Variants in DLGAP2 observed in about 807,000 individuals in gnomAD.
The protein encoded by DLGAP2 is DLG associated protein 2, also known as disks large-associated protein 2.
A neutral mutation model predicts 100.3 loss-of-function variants in DLGAP2; 26 were observed. That is an observed-to-expected ratio of 0.26 (90% confidence interval 0.19 to 0.36). The LOEUF is 0.36. Ranked by LOEUF, DLGAP2 falls within the 10% of genes least tolerant of loss-of-function variation. DLGAP2 has a pLI of 1.00. For missense variants in DLGAP2, 1,858 were observed against 1,453.2 expected, an observed-to-expected ratio of 1.28 and a Z score of -4.53; for synonymous variants, 886 against 630.1, an observed-to-expected ratio of 1.41 and a Z score of -6.08.
At chr8:1,540,309 G>A (rs771170193) in intron 4 of DLGAP2, among the ~76,000 whole-genome samples, 7 of 152,134 alleles carry the variant, frequency 4.6e-5, no homozygotes, top group Admixed American at 2.6e-4. Context: ...GTTTATTGCC[G>A]GTACCACCAC....
chr8:979,055 G>C (rs561458298), intron 2 of DLGAP2, among the ~76,000 whole-genome samples: 1 of 152,236 alleles, frequency 6.6e-6, no homozygotes, highest in South Asian at 2.1e-4. Flanking sequence ...GTGTTCAGGA[G>C]CATGCAGTCC....
At chr8:1,673,639 T>G (rs1798742684) in intron 10 of DLGAP2, among the ~76,000 whole-genome samples, 2 of 152,228 alleles carry the variant, frequency 1.3e-5, no homozygotes, top group Admixed American at 6.5e-5. Flanking sequence ...GCATTTGCTG[T>G]GGACGAACCT....
chr8:921,070 T>C (rs915714567), intron 2 of DLGAP2, among the ~76,000 whole-genome samples: 11 of 152,230 alleles, frequency 7.2e-5, no homozygotes, highest in Admixed American at 6.5e-5. Context: ...ACTTCGCAAC[T>C]TGATGCAGAT....
intron 3 of DLGAP2, among the ~76,000 whole-genome samples, chr8:1,315,939 T>C (rs1160677068): frequency 2.2e-5 from 3 of 134,838 alleles, no homozygotes; most frequent in Non-Finnish European, 4.8e-5. Flanking sequence ...GCAGCCTCTC[T>C]CCAACAGTGG....
intron 4 of DLGAP2, among the ~76,000 whole-genome samples, chr8:1,532,442 C>G (rs1801016025): frequency 6.6e-6 from 1 of 152,096 alleles, no homozygotes; most frequent in Non-Finnish European, 1.5e-5. Flanking sequence ...TTTTCTGATA[C>G]AGAAACATCC....
At chr8:1,233,955 G>T (rs999886016) in intron 2 of DLGAP2, among the ~76,000 whole-genome samples, 4 of 152,120 alleles carry the variant, frequency 2.6e-5, no homozygotes, top group Admixed American at 2.0e-4. Flanking sequence ...CCTAGGACGG[G>T]GTTTGACCAG....
chr8:1,328,482 G>T lies in DLGAP2; in HGVS notation c.106+69599G>T, dbSNP rs1035281568. Reference sequence around the variant, plus strand: ...ATAGGCTCATGCCTGACTAATTTGTGTGTGTTTTTTTGTTTTTTTGTTTGT... The same window carrying T: ...ATAGGCTCATGCCTGACTAATTTGTTTGTGTTTTTTTGTTTTTTTGTTTGT... On this transcript the variant is annotated intron_variant, in intron 3 of 14. Transcript: ENST00000637795. 5.3e-5 allele frequency among the ~76,000 whole-genome samples: 8 copies of T among 151,990 alleles called. No individual in the cohort carries two copies. In the East Asian group the frequency reaches 1.4e-3, roughly 26 times the overall value.
intron 2 of DLGAP2, among the ~76,000 whole-genome samples, chr8:935,761 A>C (rs1470543210): frequency 6.6e-6 from 1 of 152,120 alleles, no homozygotes; most frequent in East Asian, 1.9e-4. Context: ...GCTTCCCTCA[A>C]AGCATAGTGG....
chr8:1,392,288 C>T (rs1796380442), intron 3 of DLGAP2, among the ~76,000 whole-genome samples: 1 of 152,118 alleles, frequency 6.6e-6, no homozygotes, highest in Admixed American at 6.5e-5. Flanking sequence ...AGGCGCAGTC[C>T]AGATCCTGGG....
At chr8:1,355,922 A>C (rs541846756) in intron 3 of DLGAP2, among the ~76,000 whole-genome samples, 1 of 152,136 alleles carries the variant, frequency 6.6e-6, no homozygotes, top group Non-Finnish European at 1.5e-5. Flanking sequence ...AGCACATTCC[A>C]TGCACAGGCA....
chr8:1,317,211 A>C (rs1420994734), intron 3 of DLGAP2, among the ~76,000 whole-genome samples: 2 of 133,236 alleles, frequency 1.5e-5, no homozygotes, highest in Non-Finnish European at 3.1e-5. Flanking sequence ...ACAGTGGTCT[A>C]CACTCGAGAC....
At chr8:1,409,033 G>A (rs1050182793) in intron 3 of DLGAP2, among the ~76,000 whole-genome samples, 3 of 152,228 alleles carry the variant, frequency 2.0e-5, no homozygotes, top group African/African-American at 2.4e-5. Flanking sequence ...CATTGCCTCA[G>A]TTCCAGAATG....
At chr8:1,091,736 C>T (rs923133643) in intron 2 of DLGAP2, among the ~76,000 whole-genome samples, 3 of 152,034 alleles carry the variant, frequency 2.0e-5, no homozygotes, top group African/African-American at 4.8e-5. Flanking sequence ...GCGTGTCTCC[C>T]GTGGAAGCTG....
chr8:1,496,393 G>A (rs996720139), intron 3 of DLGAP2, among the ~76,000 whole-genome samples: 5 of 152,118 alleles, frequency 3.3e-5, no homozygotes, highest in African/African-American at 1.2e-4. Context: ...CCTCTCTGGT[G>A]CTGATTTCCT....
chr8:999,361 C>T, intron 2 of DLGAP2, among the ~76,000 whole-genome samples: 1 of 151,862 alleles, frequency 6.6e-6, no homozygotes, highest in Non-Finnish European at 1.5e-5. Flanking sequence ...TCTTCTTTCC[C>T]TTGTTGAATT....
At chr8:898,451 A>G (rs1798188949) in intron 1 of DLGAP2, among the ~76,000 whole-genome samples, 1 of 152,134 alleles carries the variant, frequency 6.6e-6, no homozygotes, top group African/African-American at 2.4e-5. Context: ...ACTTACTGAG[A>G]CGCTTCATCC....
At chr8:772,221 T>C (rs1288026598) in intron 1 of DLGAP2, among the ~76,000 whole-genome samples, 1 of 152,026 alleles carries the variant, frequency 6.6e-6, no homozygotes, top group Non-Finnish European at 1.5e-5. Flanking sequence ...TTTTAAATTT[T>C]CTAGTAGCCA....
chr8:894,030 C>T (rs1798090095), intron 1 of DLGAP2, among the ~76,000 whole-genome samples: 1 of 152,240 alleles, frequency 6.6e-6, no homozygotes, highest in Admixed American at 6.5e-5. Context: ...GCCCCTCTTG[C>T]TCTTCCCTTC....
intron 2 of DLGAP2, among the ~76,000 whole-genome samples, chr8:1,183,625 C>G (rs7841249): frequency 0.16 from 23,720 of 152,118 alleles, 4,169 homozygotes; most frequent in African/African-American, 0.43. Flanking sequence ...AGGGAGGCAC[C>G]GCTCCTGGCT....
Sources: allele counts gnomAD v4.1 joint callset (sites outside exome capture counted in the v4.1 genomes callset), GRCh38; gene constraint gnomAD v4.1.1; transcripts MANE v1.5; gene names NCBI Gene and HGNC (gene_info 2026-07-23, HGNC 2026-07-21).